TIRAP: variants seen among roughly 807,000 people sequenced by gnomAD.
The protein encoded by TIRAP is TIR domain containing adaptor protein.
TIRAP carries 20 observed loss-of-function variants against 19.8 expected under a neutral mutation model. The observed-to-expected ratio is 1.01, with a 90% CI of 0.71 to 1.47. The LOEUF is 1.47. Among genes scored for constraint, TIRAP ranks in the 40% most tolerant of loss-of-function variants. The pLI, the probability that TIRAP is intolerant of heterozygous loss-of-function variation, is 0.00. For missense variants in TIRAP, 276 were observed against 285.1 expected, an observed-to-expected ratio of 0.97 and a Z score of 0.23; for synonymous variants, 125 against 121.7, an observed-to-expected ratio of 1.03 and a Z score of -0.18.
Position 126,294,248 on chromosome 11 carries a change from A to G in TIRAP, c.*561A>G, listed in dbSNP as rs1951445217. 10 of 268,774 alleles carry G rather than the reference A, an allele frequency of 3.7e-5. No individual in the cohort carries two copies. The South Asian group carries it at 3.8e-4, about 10-fold the overall frequency. 16.6% of individuals were successfully genotyped at this position (268,774 alleles called of 1,614,324 possible). A position where few individuals can be genotyped will look rare whatever the true frequency, so the allele number is the denominator to read the frequency against. On this transcript the variant is annotated 3_prime_UTR_variant, in exon 5 of 5. Coordinates refer to ENST00000392679, the MANE Select transcript of TIRAP (RefSeq NM_001318777.2). ...AACAAGAATCCAGTCCTTCACACTC[A>G]CACTACTCTGTTCCTCTTCCCAGAG...
intron 1 of TIRAP, among the ~76,000 whole-genome samples, chr11:126,286,516 T>C (rs930012027): frequency 7.2e-5 from 11 of 152,374 alleles, no homozygotes; most frequent in Admixed American, 2.6e-4. Context: ...TTAAGTGACA[T>C]TGTCCTGCAA....
chr11:126,293,712 G>C lies in TIRAP; in HGVS notation c.*25G>C. On this transcript the variant is annotated 3_prime_UTR_variant, in exon 5 of 5. Transcript: ENST00000392679. Reference sequence around the variant, plus strand: ...ACACTTGTTATATCATGGGACCCCGGAAATTGGAGTGAAGCTAGAAACAGA... The same window carrying C: ...ACACTTGTTATATCATGGGACCCCGCAAATTGGAGTGAAGCTAGAAACAGA... 6.2e-7 allele frequency: 1 copy of C among 1,614,078 alleles called. No individual in the cohort carries two copies. Among genetic ancestry groups the C allele is most frequent in the Middle Eastern group, 1.6e-4 (1 of 6,062 alleles).
intron 1 of TIRAP, chr11:126,289,938 T>C (rs1951361074): frequency 3.2e-6 from 2 of 621,330 alleles, no homozygotes; most frequent in Admixed American, 6.3e-5. Flanking sequence ...AAAAATCTTC[T>C]AGACTTTGGA....
chr11:126,290,879 T>C lies in TIRAP; in HGVS notation c.-16T>C. The stretch of plus-strand genomic sequence containing the variant: ...CCAATGCCTGGTCTCACGGGGCTAG[T>C]TTTGACCCCCACGCTATGGCATCAT... On this transcript the variant is annotated 5_prime_UTR_variant, in exon 3 of 5. Coordinates refer to ENST00000392679, the MANE Select transcript of TIRAP (RefSeq NM_001318777.2). The surrounding 1 kb of genome is among the most constrained non-coding windows in gnomAD (Gnocchi z 4.9). 6.3e-7 allele frequency: 1 copy of C among 1,599,388 alleles called. No individual in the cohort carries two copies. Among genetic ancestry groups the C allele is most frequent in the South Asian group, 1.1e-5 (1 of 88,824 alleles).
At chr11:126,285,206 G>T (rs1290158851) in intron 1 of TIRAP, among the ~76,000 whole-genome samples, 1 of 133,254 alleles carries the variant, frequency 7.5e-6, no homozygotes, top group Non-Finnish European at 1.7e-5. Flanking sequence ...TGAAATATTT[G>T]TGATATAAGA....
At chr11:126,285,243 G>GTGTGTA in intron 1 of TIRAP, among the ~76,000 whole-genome samples, 2 of 106,976 alleles carry the variant, frequency 1.9e-5, no homozygotes, top group African/African-American at 7.1e-5. Flanking sequence ...GTGTGTGTGT[G>GTGTGTA]TATATATATA....
At chr11:126,286,158 A>C (rs372403431) in intron 1 of TIRAP, among the ~76,000 whole-genome samples, 4 of 151,656 alleles carry the variant, frequency 2.6e-5, no homozygotes, top group African/African-American at 9.7e-5. Context: ...TGAGGTCATG[A>C]GTTCCAGACC....
In TIRAP at chr11:126,284,283, C is replaced by T. The variant is rs144124211; in HGVS notation, c.-217+1130C>T. Among the ~76,000 whole-genome samples the T allele has an allele frequency of 7.3e-3, 1,107 of 152,268 alleles. 29 individuals carry two copies. Among genetic ancestry groups the T allele is most frequent in the East Asian group, 0.053 (274 of 5,180 alleles). ...TCCTGAACTCAGGTGATCCGCCTGC[C>T]TCAGCCTTCCAGAGTGCTGGGATTA... On this transcript the variant is annotated intron_variant, in intron 1 of 4. Transcript: ENST00000392679.
rs1215806594 is a variant in TIRAP at position 126,292,360 on chromosome 11, T to C, written c.68-117T>C. 2.9e-6 allele frequency: 3 copies of C among 1,041,692 alleles called. No individual in the cohort carries two copies. In the South Asian group the frequency reaches 4.4e-5, roughly 15 times the overall value. 64.5% of individuals were successfully genotyped at this position (1,041,692 alleles called of 1,614,324 possible). On this transcript the variant is annotated intron_variant, in intron 3 of 4. Coordinates refer to ENST00000392679, the MANE Select transcript of TIRAP (RefSeq NM_001318777.2). Reference sequence around the variant, plus strand: ...TCTCTGAGAATAAGATGTTTCCCAGTGCAGGGAGGTGGGCTGCAGTCTGTC... The same window carrying C: ...TCTCTGAGAATAAGATGTTTCCCAGCGCAGGGAGGTGGGCTGCAGTCTGTC...
Position 126,290,731 on chromosome 11 carries a change from C to G in TIRAP, c.-92-72C>G. 7.1e-7 allele frequency: 1 copy of G among 1,408,036 alleles called. No individual in the cohort carries two copies. Among genetic ancestry groups the G allele is most frequent in the Non-Finnish European group, 9.2e-7 (1 of 1,084,080 alleles). 87.2% of individuals were successfully genotyped at this position (1,408,036 alleles called of 1,614,324 possible). A position where few individuals can be genotyped will look rare whatever the true frequency, so the allele number is the denominator to read the frequency against. On this transcript the variant is annotated intron_variant, in intron 2 of 4. Coordinates refer to ENST00000392679, the MANE Select transcript of TIRAP (RefSeq NM_001318777.2). This position sits in a 1 kb window ranked among gnomAD's most constrained non-coding sequence, Gnocchi z 4.9. ...GCATTAGGAGAGAAACAGAACTTCG[C>G]AGAGCTCATCCATGGGGAATGAGAG...
chr11:126,283,208 G>T, intron 1 of TIRAP, 55 bp downstream of exon 1: 1 of 930,134 alleles, frequency 1.1e-6, no homozygotes, highest in Non-Finnish European at 1.3e-6. Context: ...GCTCCGTGGG[G>T]TGGGCGACGG....
At position 126,291,374 on chromosome 11, in the gene TIRAP, A is replaced by G. The variant is rs1033474656; in HGVS notation, c.67+413A>G. On this transcript the variant is annotated intron_variant, in intron 3 of 4. Transcript: ENST00000392679. The surrounding 1 kb of genome is among the most constrained non-coding windows in gnomAD (Gnocchi z 5.6). ...CTGGGGAAGCTGTTTTCATCTCCTT[A>G]TGGAGTCCCATACTCCAAACACAGA... The G allele has an allele frequency of 2.9e-4, 328 of 1,122,322 alleles. No individual in the cohort carries two copies. The highest frequency in any genetic ancestry group is 6.0e-5 in the Non-Finnish European group (50 of 827,794). The allele number at this position is 1,122,322 out of a possible 1,614,324, so 69.5% of individuals were successfully genotyped here.
intron 3 of TIRAP, among the ~76,000 whole-genome samples, chr11:126,292,024 T>C (rs1400035506): frequency 6.6e-6 from 1 of 151,530 alleles, no homozygotes; most frequent in Non-Finnish European, 1.5e-5. Context: ...AATAGCAGAG[T>C]GCTGGGCACA....
chr11:126,284,821 T>A (rs1302150567), intron 1 of TIRAP, among the ~76,000 whole-genome samples: 4 of 146,360 alleles, frequency 2.7e-5, no homozygotes, highest in Admixed American at 7.0e-5. Context: ...GCCACTGCAC[T>A]CCAGCCCGGG....
chr11:126,284,033 C>CTTTTTTT (rs749115228), intron 1 of TIRAP, among the ~76,000 whole-genome samples: 3 of 113,158 alleles, frequency 2.7e-5, no homozygotes, highest in Non-Finnish European at 5.1e-5. Context: ...TCATGTACTT[C>CTTTTTTT]TTTTTTTTTT....
intron 1 of TIRAP, among the ~76,000 whole-genome samples, 185 bp downstream of exon 1, chr11:126,283,338 G>A (rs1280216062): frequency 6.6e-6 from 1 of 152,154 alleles, no homozygotes; most frequent in African/African-American, 2.4e-5. Context: ...CACCTTTCTG[G>A]CACCCGCAAC....
In TIRAP at chr11:126,287,519, C is replaced by T. The variant is rs1951335759; in HGVS notation, c.-216-2943C>T. On this transcript the variant is annotated intron_variant, in intron 1 of 4. Transcript: ENST00000392679. This position sits in a 1 kb window ranked among gnomAD's most constrained non-coding sequence, Gnocchi z 4.2. ...TATTTTTAGTAGAGACAGGGTTTCACCATGTTGGCCAGGCTGATCTCAAAT... is the reference window on the plus strand; with the variant it reads ...TATTTTTAGTAGAGACAGGGTTTCATCATGTTGGCCAGGCTGATCTCAAAT... 1.3e-5 allele frequency among the ~76,000 whole-genome samples: 2 copies of T among 151,978 alleles called. No individual in the cohort carries two copies. Among genetic ancestry groups the T allele is most frequent in the African/African-American group, 2.4e-5 (1 of 41,364 alleles).
At chr11:126,284,848 C>T (rs1475923864) in intron 1 of TIRAP, among the ~76,000 whole-genome samples, 2 of 123,660 alleles carry the variant, frequency 1.6e-5, no homozygotes, top group African/African-American at 2.8e-5. Flanking sequence ...AGGGAGACTC[C>T]GTCTCAAAAA....
rs1438232427 is a variant in TIRAP, at chr11:126,290,766, T to C, written c.-92-37T>C. The C allele has an allele frequency of 3.4e-6, 5 of 1,473,966 alleles. No individual in the cohort carries two copies. Among genetic ancestry groups the C allele is most frequent in the Non-Finnish European group, 4.5e-6 (5 of 1,116,920 alleles). The allele number at this position is 1,473,966 out of a possible 1,614,324, so 91.3% of individuals were successfully genotyped here. On this transcript the variant is annotated intron_variant, in intron 2 of 4. Transcript: ENST00000392679. This position sits in a 1 kb window ranked among gnomAD's most constrained non-coding sequence, Gnocchi z 4.9. ...CCATGGGGAATGAGAGCAGGGTAAG[T>C]GCAGCCTTTGTGATTCTCTCTCTCT...
Sources: gnomAD v4.1 joint callset for allele counts (sites outside exome capture counted in the v4.1 genomes callset) on GRCh38, gnomAD v4.1.1 for gene constraint, Gnocchi (gnomAD v3.1) non-coding constraint, MANE v1.5 for transcripts, NCBI Gene and HGNC (gene_info 2026-07-23, HGNC 2026-07-21) for gene names.